PTPRD: variants seen among roughly 807,000 people sequenced by gnomAD.
PTPRD encodes the protein protein tyrosine phosphatase receptor type D, also known as receptor-type tyrosine-protein phosphatase delta.
Under a neutral mutation model 214.5 loss-of-function variants are expected in PTPRD, and 34 were observed. That is an observed-to-expected ratio of 0.16 (90% CI 0.12 to 0.21). The LOEUF (loss-of-function observed/expected upper bound fraction) is 0.21. Among genes scored for constraint, PTPRD ranks in the 10% least tolerant of loss-of-function variants. The pLI, the probability that PTPRD is intolerant of heterozygous loss-of-function variation, is 1.00. For synonymous variants in PTPRD, 1,128 were observed against 845.7 expected (o/e 1.33, Z -5.79); for missense variants, 2,545 against 2,398.7 (o/e 1.06, Z -1.27).
intron 5 of PTPRD, among the ~76,000 whole-genome samples, chr9:9,830,034 G>A (rs1205503838): frequency 1.3e-5 from 2 of 151,592 alleles, no homozygotes; most frequent in Non-Finnish European, 2.9e-5. Context: ...TCAACTAAAA[G>A]CCTCAGCAAG....
intron 9 of PTPRD, among the ~76,000 whole-genome samples, chr9:9,332,208 C>G (rs1431422175): frequency 6.6e-6 from 1 of 151,740 alleles, no homozygotes; most frequent in Non-Finnish European, 1.5e-5. Context: ...GCTTGCTTTC[C>G]TCTGAGATGG....
At chr9:10,244,542 G>A (rs1358407276) in intron 3 of PTPRD, among the ~76,000 whole-genome samples, 1 of 152,040 alleles carries the variant, frequency 6.6e-6, no homozygotes, top group South Asian at 2.1e-4. Flanking sequence ...TACAACAAAA[G>A]TAGTTTATTA....
intron 2 of PTPRD, among the ~76,000 whole-genome samples, chr9:10,432,299 G>C (rs1237210358): frequency 9.1e-6 from 1 of 109,410 alleles, no homozygotes; most frequent in Admixed American, 1.1e-4. Flanking sequence ...GGTGGGGGGA[G>C]GGGGGAGGGA....
intron 14 of PTPRD, among the ~76,000 whole-genome samples, chr9:8,592,064 T>A (rs550000991): frequency 6.6e-6 from 1 of 152,124 alleles, no homozygotes; most frequent in Non-Finnish European, 1.5e-5. Context: ...GGTCAAAAAG[T>A]ATCAAAATAT....
intron 11 of PTPRD, among the ~76,000 whole-genome samples, chr9:8,883,353 T>G (rs2098462071): frequency 6.6e-6 from 1 of 152,222 alleles, no homozygotes; most frequent in Non-Finnish European, 1.5e-5. Context: ...AGAGGTGATT[T>G]CTTTCTTAAA....
At chr9:10,507,081 T>C (rs1244959244) in intron 2 of PTPRD, among the ~76,000 whole-genome samples, 3 of 152,128 alleles carry the variant, frequency 2.0e-5, no homozygotes, top group East Asian at 3.9e-4. Context: ...CTTAAGTTGA[T>C]AAGCAACTTC....
intron 6 of PTPRD, among the ~76,000 whole-genome samples, chr9:9,759,980 T>C (rs955215608): frequency 6.6e-6 from 1 of 152,224 alleles, no homozygotes; most frequent in South Asian, 2.1e-4. Flanking sequence ...CCTGGTGTTG[T>C]ACATTTTGCT....
chr9:8,699,268 T>C (rs1782189917), intron 12 of PTPRD, among the ~76,000 whole-genome samples: 1 of 152,186 alleles, frequency 6.6e-6, no homozygotes. Context: ...AGTTATTAAA[T>C]CAAGTTTCTG....
intron 9 of PTPRD, among the ~76,000 whole-genome samples, chr9:9,262,493 A>G (rs2099980571): frequency 6.6e-6 from 1 of 151,528 alleles, no homozygotes; most frequent in African/African-American, 2.4e-5. Context: ...CAATAGTCAC[A>G]TGTAGCTAAA....
chr9:10,259,165 G>A lies in PTPRD; in HGVS notation c.-545+81798C>T, dbSNP rs533204832. 2.6e-4 allele frequency among the ~76,000 whole-genome samples: 40 copies of A among 151,986 alleles called. No individual in the cohort carries two copies. In the South Asian group the frequency reaches 3.5e-3, roughly 13 times the overall value. ...AGCCTCCGGAGTAGCTGGGAATACA[G>A]GTGCCTGCCACCACGCCCGGCTAAT... On this transcript the variant is annotated intron_variant, in intron 3 of 45. Coordinates refer to ENST00000381196, the MANE Select transcript of PTPRD (RefSeq NM_002839.4).
intron 3 of PTPRD, among the ~76,000 whole-genome samples, chr9:10,286,246 G>C (rs888531664): frequency 1.3e-5 from 2 of 151,952 alleles, no homozygotes; most frequent in Admixed American, 1.3e-4. Flanking sequence ...TGATGTCCCA[G>C]CCTGTGCAAC....
chr9:9,948,384 T>C (rs749482770), intron 4 of PTPRD, among the ~76,000 whole-genome samples: 1 of 152,070 alleles, frequency 6.6e-6, no homozygotes, highest in Non-Finnish European at 1.5e-5. Flanking sequence ...TCCCAAAATT[T>C]GGCCTCACCG....
chr9:9,285,881 T>C, intron 9 of PTPRD, among the ~76,000 whole-genome samples: 1 of 151,950 alleles, frequency 6.6e-6, no homozygotes, highest in Non-Finnish European at 1.5e-5. Flanking sequence ...TATCTGTATC[T>C]ATATCTATAT....
At chr9:10,095,109 T>C (rs2098470240) in intron 3 of PTPRD, among the ~76,000 whole-genome samples, 2 of 151,504 alleles carry the variant, frequency 1.3e-5, no homozygotes, top group South Asian at 4.1e-4. Context: ...AGGTGAGATA[T>C]TTTGTCATTT....
At chr9:10,027,139 C>A (rs568807893) in intron 4 of PTPRD, among the ~76,000 whole-genome samples, 1 of 152,220 alleles carries the variant, frequency 6.6e-6, no homozygotes, top group African/African-American at 2.4e-5. Context: ...AAATCTTACA[C>A]TTGGGGGGAA....
intron 14 of PTPRD, among the ~76,000 whole-genome samples, chr9:8,609,955 A>T (rs994484446): frequency 2.0e-5 from 3 of 152,172 alleles, no homozygotes; most frequent in African/African-American, 7.2e-5. Flanking sequence ...TTAAGTTCTG[A>T]TTACGAGCTG....
rs531169025 is a variant in PTPRD, at chr9:10,352,569, CA to C, written c.-599-11553del. 3.2e-3 allele frequency among the ~76,000 whole-genome samples: 480 copies of C among 152,062 alleles called. 1 individual carries two copies. The highest frequency in any genetic ancestry group is 0.011 in the African/African-American group (463 of 41,526). On this transcript the variant is annotated intron_variant, in intron 2 of 45. Transcript: ENST00000381196. ...AAGGTCAAAGTAATGAAATATAGAT[CA>C]GAAGGAGAAATAGCTATATATGCAT...
At chr9:9,677,746 G>C (rs2096965522) in intron 7 of PTPRD, among the ~76,000 whole-genome samples, 1 of 151,964 alleles carries the variant, frequency 6.6e-6, no homozygotes, top group African/African-American at 2.4e-5. Context: ...AGGAAATAAA[G>C]GGCATTCAAT....
rs115860292 is a variant in PTPRD at position 9,649,961 on chromosome 9, C to T, written c.-286-75180G>A. On this transcript the variant is annotated intron_variant, in intron 7 of 45. Transcript: ENST00000381196. ...TGTGCTAGCGATAGAAAAAATGAAA[C>T]GGAGGGAGAATTGAAAATGAAAGCA... 6.5e-3 allele frequency among the ~76,000 whole-genome samples: 988 copies of T among 151,858 alleles called. 8 individuals are homozygous for T. The highest frequency in any genetic ancestry group is 0.023 in the African/African-American group (949 of 41,388).
Sources: allele counts gnomAD v4.1 joint callset (sites outside exome capture counted in the v4.1 genomes callset), GRCh38; gene constraint gnomAD v4.1.1; transcripts MANE v1.5; gene names NCBI Gene and HGNC (gene_info 2026-07-23, HGNC 2026-07-21).